Variants in MALRD1 observed in about 807,000 individuals in gnomAD.
MALRD1 encodes MAM and LDL receptor class A domain containing 1.
In MALRD1, 247 loss-of-function variants were observed where a neutral mutation model predicts 242.1. The ratio of observed to expected loss-of-function variants is 1.02; its 90% CI spans 0.92 to 1.13. The LOEUF (loss-of-function observed/expected upper bound fraction) is 1.13, where lower values mean the gene tolerates loss of function less well. Ranked by LOEUF, MALRD1 falls within the 50% of genes most tolerant of loss-of-function variation. The pLI is 0.00. For synonymous variants in MALRD1, 995 were observed against 866.6 expected (o/e 1.15, Z -2.60); for missense variants, 2,989 against 2,533.1 (o/e 1.18, Z -3.86).
intron 36 of MALRD1, among the ~76,000 whole-genome samples, chr10:19,643,060 C>T (rs1385384091): frequency 1.3e-5 from 2 of 152,108 alleles, no homozygotes; most frequent in Non-Finnish European, 2.9e-5. Flanking sequence ...GTCCAGTTGT[C>T]TTCATATCTC....
chr10:19,433,866 T>C (rs1207699990), intron 28 of MALRD1, among the ~76,000 whole-genome samples: 1 of 151,930 alleles, frequency 6.6e-6, no homozygotes, highest in Non-Finnish European at 1.5e-5. Context: ...AGCAGTTATA[T>C]GGCAAACACA....
At chr10:19,295,060 C>G (rs11009346) in intron 21 of MALRD1, among the ~76,000 whole-genome samples, 18,282 of 151,926 alleles carry the variant, frequency 0.12, 1,208 homozygotes, top group East Asian at 0.19. Flanking sequence ...TTTACTAATT[C>G]AAGTCATCAC....
intron 26 of MALRD1, among the ~76,000 whole-genome samples, chr10:19,360,815 T>G (rs1844859243): frequency 6.6e-6 from 1 of 152,086 alleles, no homozygotes; most frequent in Non-Finnish European, 1.5e-5. Context: ...TAGTAGAAAA[T>G]AGTAATAATG....
At chr10:19,098,508 C>G (rs1013524032) in intron 4 of MALRD1, among the ~76,000 whole-genome samples, 1 of 151,964 alleles carries the variant, frequency 6.6e-6, no homozygotes, top group South Asian at 2.1e-4. Flanking sequence ...AGGTATTTTC[C>G]CTTTTAATTC....
chr10:19,362,451 C>T (rs1353699469), intron 26 of MALRD1, among the ~76,000 whole-genome samples: 1 of 152,164 alleles, frequency 6.6e-6, no homozygotes, highest in East Asian at 1.9e-4. Context: ...AAAGTAATTT[C>T]ATGGGAGGTT....
At chr10:19,386,761 T>C (rs533728497) in intron 26 of MALRD1, among the ~76,000 whole-genome samples, 1 of 151,914 alleles carries the variant, frequency 6.6e-6, no homozygotes, top group Non-Finnish European at 1.5e-5. Context: ...TTAAATTAGC[T>C]TAACTTCTCT....
chr10:19,151,001 A>G (rs997645120), intron 11 of MALRD1, among the ~76,000 whole-genome samples: 3 of 152,204 alleles, frequency 2.0e-5, no homozygotes, highest in African/African-American at 7.2e-5. Context: ...TATTTTCAAT[A>G]AACATTTATA....
At position 19,443,513 on chromosome 10, in the gene MALRD1, A is replaced by G. The variant is rs529201336; in HGVS notation, c.4846-6794A>G. On this transcript the variant is annotated intron_variant, in intron 28 of 39. Coordinates refer to ENST00000454679, the MANE Select transcript of MALRD1 (RefSeq NM_001142308.3). Reference sequence around the variant, plus strand: ...TTAAATGTGTCCCAGAGATTCTGCTATGTGTTGTCTTTGCTCTCATTGGTT... The same window carrying G: ...TTAAATGTGTCCCAGAGATTCTGCTGTGTGTTGTCTTTGCTCTCATTGGTT... Among the ~76,000 whole-genome samples the G allele has an allele frequency of 2.4e-4, 36 of 152,248 alleles. 1 individual carries two copies. In the South Asian group the frequency reaches 6.4e-3, roughly 27 times the overall value.
intron 14 of MALRD1, among the ~76,000 whole-genome samples, chr10:19,196,564 A>G (rs1171086668): frequency 1.8e-5 from 2 of 112,620 alleles, no homozygotes; most frequent in African/African-American, 3.5e-5. Context: ...TCCTATTTTT[A>G]TGCCTTCTTT....
chr10:19,520,133 T>C (rs1156929070), intron 31 of MALRD1, among the ~76,000 whole-genome samples: 1 of 152,112 alleles, frequency 6.6e-6, no homozygotes, highest in Non-Finnish European at 1.5e-5. Context: ...ACAGAGAGGG[T>C]TACTAACTTT....
chr10:19,376,741 C>T lies in MALRD1; in HGVS notation c.4442-10787C>T, dbSNP rs566923726. The stretch of plus-strand genomic sequence containing the variant: ...TGCTAATTTTGTATTTTATTAGAGA[C>T]GGGGTTTCCCCATCTTTATTAGAGA... On this transcript the variant is annotated intron_variant, in intron 26 of 39. Transcript: ENST00000454679. Among the ~76,000 whole-genome samples, 99 of 151,522 alleles carry T rather than the reference C, an allele frequency of 6.5e-4. No homozygotes were observed. The South Asian group carries it at 0.014, about 22-fold the overall frequency.
chr10:19,545,655 GA>G (rs201573781), intron 32 of MALRD1, among the ~76,000 whole-genome samples: 1 of 70,910 alleles, frequency 1.4e-5, no homozygotes, highest in Non-Finnish European at 5.1e-5. Context: ...AATTTTCCTG[GA>G]AATTTAATGA....
intron 28 of MALRD1, among the ~76,000 whole-genome samples, chr10:19,390,311 A>C (rs1432476910): frequency 1.3e-5 from 2 of 152,194 alleles, no homozygotes; most frequent in African/African-American, 2.4e-5. Flanking sequence ...AATAATAGAC[A>C]TTCTGGTTCT....
chr10:19,320,105 C>G (rs1311553082), intron 21 of MALRD1, among the ~76,000 whole-genome samples: 4 of 122,966 alleles, frequency 3.3e-5, no homozygotes, highest in African/African-American at 1.3e-4. Context: ...GCTGAATGTG[C>G]AGGTTTGTTA....
Position 19,124,627 on chromosome 10 carries a change from A to G in MALRD1, c.900A>G (p.Ala300=). The G allele has an allele frequency of 2.4e-6, 3 of 1,233,868 alleles. No homozygotes were observed. The highest frequency in any genetic ancestry group is 3.0e-6 in the Non-Finnish European group (3 of 988,124). The allele number at this position is 1,233,868 out of a possible 1,614,324, so 76.4% of individuals were successfully genotyped here. Residue 300 remains alanine, a synonymous_variant, in exon 7 of 40, where the codon GCA becomes GCG. Transcript: ENST00000454679. ...GCACAAAAGCGAGAGAGATCCCTGC[A>G]TTCGAATCCACACCTCAGCAGGATC... ...WMRTKAREIP[A]FESTPQQDQG...
intron 10 of MALRD1, among the ~76,000 whole-genome samples, chr10:19,145,514 C>T (rs1167525338): frequency 6.6e-6 from 1 of 151,936 alleles, no homozygotes; most frequent in Admixed American, 6.6e-5. Context: ...AGCATCGTTG[C>T]ATGTGCCTGT....
intron 31 of MALRD1, among the ~76,000 whole-genome samples, chr10:19,517,614 G>T (rs1254725488): frequency 1.3e-5 from 2 of 152,148 alleles, no homozygotes. Context: ...AGATGGGGGA[G>T]TTCTAGATAC....
intron 26 of MALRD1, among the ~76,000 whole-genome samples, chr10:19,360,126 A>T (rs1844827288): frequency 6.6e-6 from 1 of 152,234 alleles, no homozygotes; most frequent in South Asian, 2.1e-4. Flanking sequence ...CATTTCATTT[A>T]TATAAGCAGG....
intron 32 of MALRD1, among the ~76,000 whole-genome samples, chr10:19,538,693 C>G (rs1352935746): frequency 2.6e-5 from 4 of 151,958 alleles, no homozygotes; most frequent in Non-Finnish European, 5.9e-5. Flanking sequence ...TATTTTATTA[C>G]TCCAAACTTA....
Sources: gnomAD v4.1 joint callset for allele counts (sites outside exome capture counted in the v4.1 genomes callset) on GRCh38, gnomAD v4.1.1 for gene constraint, MANE v1.5 for transcripts, NCBI Gene and HGNC (gene_info 2026-07-23, HGNC 2026-07-21) for gene names.